The following PPP2R5E variants were observed in gnomAD, a reference collection of about 807,000 sequenced individuals.
PPP2R5E encodes the protein protein phosphatase 2 regulatory subunit B'epsilon.
Under a neutral mutation model 65.3 loss-of-function variants are expected in PPP2R5E, and 4 were observed. The ratio of observed to expected loss-of-function variants is 0.06; its 90% confidence interval spans 0.03 to 0.14. The LOEUF (loss-of-function observed/expected upper bound fraction) is 0.14. Among genes scored for constraint, PPP2R5E ranks in the 10% least tolerant of loss-of-function variants. The pLI is 1.00. For missense variants in PPP2R5E, 274 were observed against 556.1 expected, an observed-to-expected ratio of 0.49 and a Z score of 5.10; for synonymous variants, 183 against 187.4, an observed-to-expected ratio of 0.98 and a Z score of 0.19.
At chr14:63,535,599 A>G (rs1484057179) in intron 2 of PPP2R5E, among the ~76,000 whole-genome samples, 1 of 148,268 alleles carries the variant, frequency 6.7e-6, no homozygotes. Flanking sequence ...TTATTAATGC[A>G]TATCTGAGCA....
intron 5 of PPP2R5E, among the ~76,000 whole-genome samples, chr14:63,402,815 A>G (rs1276669328): frequency 6.6e-6 from 1 of 152,216 alleles, no homozygotes; most frequent in African/African-American, 2.4e-5. Context: ...GAAAATGAAG[A>G]GAAGGAAATT....
At chr14:63,406,117 A>G (rs1886066975) in intron 5 of PPP2R5E, among the ~76,000 whole-genome samples, 1 of 152,188 alleles carries the variant, frequency 6.6e-6, no homozygotes, top group African/African-American at 2.4e-5. Flanking sequence ...TGAATGAAAA[A>G]CGACAGACTG....
rs1884541965 is a variant in PPP2R5E, at chr14:63,384,461, T to C, written c.1185A>G (p.Ser395=). The C allele has an allele frequency of 6.2e-7, 1 of 1,613,326 alleles. No homozygotes were observed. Residue 395 remains serine, a synonymous_variant, in exon 12 of 14, where the codon TCA becomes TCG. Coordinates refer to ENST00000337537, the MANE Select transcript of PPP2R5E (RefSeq NM_006246.5). The part of the protein sequence containing the change: ...PIMFSSLYRI[S]KEHWNPAIVA... ...AAACCTACGGATTCCAATGTTCTTTTGAAATCCTATAAAGGCTGGAAAACA... is the reference window on the plus strand; with the variant it reads ...AAACCTACGGATTCCAATGTTCTTTCGAAATCCTATAAAGGCTGGAAAACA...
intron 3 of PPP2R5E, among the ~76,000 whole-genome samples, chr14:63,439,346 C>A (rs1888091284): frequency 6.6e-6 from 1 of 151,254 alleles, no homozygotes; most frequent in Non-Finnish European, 1.5e-5. Flanking sequence ...CAGACTGGGT[C>A]CTGGTCTGTT....
intron 3 of PPP2R5E, among the ~76,000 whole-genome samples, chr14:63,439,318 C>G (rs1027010144): frequency 1.3e-5 from 2 of 150,710 alleles, no homozygotes; most frequent in African/African-American, 4.9e-5. Context: ...CCTGGGATCA[C>G]ATAGTTCAGT....
rs1030627836 is a variant in PPP2R5E, at chr14:63,453,544, G to A, written c.354+145C>T. On this transcript the variant is annotated intron_variant, in intron 3 of 13. Transcript: ENST00000337537. ...ATCATGCTCTTCAAATTCTAGCACTGTGCCGACTACATTTGCTTAGCTCTC... is the reference window on the plus strand; with the variant it reads ...ATCATGCTCTTCAAATTCTAGCACTATGCCGACTACATTTGCTTAGCTCTC... The A allele has an allele frequency of 3.0e-5, 20 of 674,066 alleles. No individual in the cohort carries two copies. The East Asian group carries it at 4.6e-4, about 15-fold the overall frequency. The allele number at this position is 674,066 out of a possible 1,614,324, so 41.8% of individuals were successfully genotyped here.
intron 2 of PPP2R5E, among the ~76,000 whole-genome samples, chr14:63,497,030 G>A (rs1157948470): frequency 6.6e-6 from 1 of 151,882 alleles, no homozygotes; most frequent in Non-Finnish European, 1.5e-5. Context: ...CCTGCCCACA[G>A]CTCTAGCCAG....
intron 2 of PPP2R5E, among the ~76,000 whole-genome samples, chr14:63,478,285 A>G (rs1288514745): frequency 6.6e-6 from 1 of 152,194 alleles, no homozygotes; most frequent in Non-Finnish European, 1.5e-5. Flanking sequence ...TGGTTTCACA[A>G]TTACTCAGGA....
chr14:63,497,977 TTAGAATAA>T (rs1891664272), intron 2 of PPP2R5E, among the ~76,000 whole-genome samples: 1 of 152,222 alleles, frequency 6.6e-6, no homozygotes, highest in Non-Finnish European at 1.5e-5. Flanking sequence ...TCTTATTCAC[TTAGAATAA>T]TACATTTGGT....
At chr14:63,399,340 G>A (rs1408600491) in intron 5 of PPP2R5E, among the ~76,000 whole-genome samples, 1 of 147,056 alleles carries the variant, frequency 6.8e-6, no homozygotes, top group Non-Finnish European at 1.5e-5. Context: ...AATGGGGAGT[G>A]GCTACTAATA....
chr14:63,388,332 G>A (rs989053695), intron 11 of PPP2R5E, among the ~76,000 whole-genome samples: 4 of 152,052 alleles, frequency 2.6e-5, no homozygotes, highest in African/African-American at 4.8e-5. Context: ...ATAGAGACAG[G>A]GTTTCACCAT....
chr14:63,383,529 A>T (rs1294508275), intron 12 of PPP2R5E, among the ~76,000 whole-genome samples: 2 of 152,252 alleles, frequency 1.3e-5, no homozygotes, highest in African/African-American at 4.8e-5. Flanking sequence ...GACTATCTGT[A>T]TAAAGGGACT....
intron 13 of PPP2R5E, among the ~76,000 whole-genome samples, chr14:63,378,944 A>G (rs1009545687): frequency 3.3e-5 from 5 of 152,100 alleles, no homozygotes; most frequent in African/African-American, 9.7e-5. Flanking sequence ...TCCCACACCT[A>G]TGGAGAAACC....
intron 2 of PPP2R5E, among the ~76,000 whole-genome samples, chr14:63,461,371 T>C (rs1889449681): frequency 6.6e-6 from 1 of 152,130 alleles, no homozygotes; most frequent in South Asian, 2.1e-4. Context: ...TGTCAATTTT[T>C]CTTCAGGTAA....
rs535501133 is a variant in PPP2R5E, at chr14:63,494,895, T to A, written c.158-41010A>T. ...CTGAGCAATAGAGCCAGACCTTATC[T>A]CAAAAAACAAAAAGCAAAAACAAAA... On this transcript the variant is annotated intron_variant, in intron 2 of 13. Transcript: ENST00000337537. Among the ~76,000 whole-genome samples the A allele has an allele frequency of 6.7e-5, 10 of 150,250 alleles. No individual in the cohort carries two copies. In the East Asian group the frequency reaches 1.6e-3, roughly 24 times the overall value.
intron 3 of PPP2R5E, among the ~76,000 whole-genome samples, chr14:63,427,949 T>C (rs1233803096): frequency 2.0e-5 from 3 of 152,198 alleles, no homozygotes; most frequent in Non-Finnish European, 4.4e-5. Context: ...AGACCGTGGA[T>C]GGACCTGACT....
chr14:63,378,186 G>A (rs1190753182), intron 13 of PPP2R5E, among the ~76,000 whole-genome samples: 3 of 152,166 alleles, frequency 2.0e-5, no homozygotes, highest in Non-Finnish European at 4.4e-5. Context: ...GCTGACTTTC[G>A]ATGAATATGA....
chr14:63,475,615 A>T (rs1890368943), intron 2 of PPP2R5E, among the ~76,000 whole-genome samples: 1 of 152,206 alleles, frequency 6.6e-6, no homozygotes, highest in South Asian at 2.1e-4. Context: ...TTTCATTTAG[A>T]TAATACATTG....
intron 2 of PPP2R5E, among the ~76,000 whole-genome samples, chr14:63,516,346 A>G (rs992233800): frequency 3.9e-5 from 6 of 152,216 alleles, no homozygotes; most frequent in Non-Finnish European, 5.9e-5. Context: ...TCTAAGAATA[A>G]AGACTAAATA....
Sources: allele counts gnomAD v4.1 joint callset (sites outside exome capture counted in the v4.1 genomes callset), GRCh38; gene constraint gnomAD v4.1.1; transcripts MANE v1.5; gene names NCBI Gene and HGNC (gene_info 2026-07-23, HGNC 2026-07-21).